The following AKT2 variants were observed in gnomAD, a reference collection of about 807,000 sequenced individuals.
AKT2 encodes the protein AKT serine/threonine kinase 2.
A neutral mutation model predicts 58.6 loss-of-function variants in AKT2; 16 were observed. The observed-to-expected ratio is 0.27, with a 90% CI of 0.18 to 0.41. The LOEUF (loss-of-function observed/expected upper bound fraction) is 0.41. AKT2 is among the 10% of genes least tolerant of loss of function. AKT2 has a pLI of 1.00. For synonymous variants in AKT2, 253 were observed against 254.0 expected (o/e 1.00, Z 0.04); for missense variants, 438 against 661.0 (o/e 0.66, Z 3.70).
chr19:40,235,833 G>T lies in AKT2; in HGVS notation c.1175+57C>A, dbSNP rs970449908. The T allele has an allele frequency of 6.5e-7, 1 of 1,539,440 alleles. No homozygotes were observed. Among genetic ancestry groups the T allele is most frequent in the Non-Finnish European group, 8.8e-7 (1 of 1,138,876 alleles). ...TTGTGGACGCTGCCCCCTCCAGGCC[G>T]CAGGGACAGTGGCAGCAGCTGGCGC... On this transcript the variant is annotated intron_variant, in intron 11 of 13. Transcript: ENST00000392038. This position sits in a 1 kb window ranked among gnomAD's most constrained non-coding sequence, Gnocchi z 6.3.
intron 4 of AKT2, among the ~76,000 whole-genome samples, chr19:40,250,080 G>A (rs1975037807): frequency 6.6e-6 from 1 of 152,202 alleles, no homozygotes; most frequent in Non-Finnish European, 1.5e-5. Flanking sequence ...GGGTGCTTGT[G>A]GTAGGAAATG....
intron 1 of AKT2, among the ~76,000 whole-genome samples, chr19:40,275,777 GGT>G (rs1555778558): frequency 2.9e-4 from 26 of 90,438 alleles, no homozygotes; most frequent in Admixed American, 3.1e-4. Context: ...GGGGGGGGGG[GGT>G]GGGCGGGGGG....
At chr19:40,275,347 T>TGG (rs2077294666) in intron 1 of AKT2, 1 of 455,350 alleles carries the variant, frequency 2.2e-6, no homozygotes, top group Non-Finnish European at 4.4e-6. Flanking sequence ...CGCCACCACC[T>TGG]CCCTGGGAGC....
At chr19:40,265,683 TC>T in intron 1 of AKT2, 1 of 328,368 alleles carries the variant, frequency 3.0e-6, no homozygotes, top group South Asian at 3.0e-5. Context: ...TGCCCTGCCC[TC>T]CCCGTGTCAT....
intron 1 of AKT2, among the ~76,000 whole-genome samples, chr19:40,276,343 A>ACCTTTTTTTTTTTTTTT (rs1568573407): frequency 1.0e-5 from 1 of 98,856 alleles, no homozygotes. Flanking sequence ...GTAAAATGGA[A>ACCTTTTTTTTTTTTTTT]TCTTTTTTTT....
intron 2 of AKT2, among the ~76,000 whole-genome samples, chr19:40,262,864 G>A (rs1324734173): frequency 1.3e-5 from 2 of 152,206 alleles, no homozygotes; most frequent in African/African-American, 4.8e-5. Flanking sequence ...ACCACCAAGG[G>A]GGTCGGTGGG....
At position 40,232,236 on chromosome 19, in the gene AKT2, C is replaced by T. The variant is rs1014925250; in HGVS notation, c.*1636G>A. ...TCAGTGCCCTCCTTGCTGAAGGGAA[C>T]GGCTAGTACAGGAGGAGCTGGGGCC... On this transcript the variant is annotated 3_prime_UTR_variant, in exon 14 of 14. Transcript: ENST00000392038. 9.8e-5 allele frequency: 23 copies of T among 233,668 alleles called. No homozygotes were observed. The highest frequency in any genetic ancestry group is 3.8e-4 in the African/African-American group (17 of 45,316). 14.5% of individuals were successfully genotyped at this position (233,668 alleles called of 1,614,324 possible). A position where few individuals can be genotyped will look rare whatever the true frequency, so the allele number is the denominator to read the frequency against.
At chr19:40,271,256 TATATAC>T (rs2077209977) in intron 1 of AKT2, among the ~76,000 whole-genome samples, 1 of 146,324 alleles carries the variant, frequency 6.8e-6, no homozygotes, top group Non-Finnish European at 1.5e-5. Context: ...TATACACGTA[TATATAC>T]ATATATATAT....
intron 1 of AKT2, among the ~76,000 whole-genome samples, chr19:40,271,822 A>G (rs1055340582): frequency 3.3e-5 from 5 of 152,214 alleles, no homozygotes; most frequent in East Asian, 1.9e-4. Flanking sequence ...TAAAGCCAAC[A>G]GAACACCTTC....
chr19:40,262,823 T>C (rs1976059617), intron 2 of AKT2, among the ~76,000 whole-genome samples: 1 of 152,192 alleles, frequency 6.6e-6, no homozygotes, highest in Admixed American at 6.5e-5. Context: ...ACACAGTAAG[T>C]GCTCAGTAAA....
Position 40,233,412 on chromosome 19 carries a change from C to T in AKT2, c.*460G>A. On this transcript the variant is annotated 3_prime_UTR_variant, in exon 14 of 14. Transcript: ENST00000392038. The surrounding 1 kb of genome is among the most constrained non-coding windows in gnomAD (Gnocchi z 4.3). ...GATTGGACCGCCCCGTGCCTGGCCA[C>T]TCCGAGCCTAGGCCACGGGGCCTGG... is the stretch of plus-strand genomic sequence containing the variant. 6.3e-6 allele frequency: 3 copies of T among 472,534 alleles called. No individual in the cohort carries two copies. Among genetic ancestry groups the T allele is most frequent in the South Asian group, 3.8e-5 (2 of 52,620 alleles). The allele number at this position is 472,534 out of a possible 1,614,324, so 29.3% of individuals were successfully genotyped here.
intron 1 of AKT2, among the ~76,000 whole-genome samples, chr19:40,273,048 A>T (rs1194666708): frequency 1.3e-5 from 2 of 152,212 alleles, no homozygotes; most frequent in African/African-American, 4.8e-5. Flanking sequence ...CACGTATCAA[A>T]TATTATCATC....
At chr19:40,236,662 T>C in intron 9 of AKT2, 1 of 499,740 alleles carries the variant, frequency 2.0e-6, no homozygotes, top group East Asian at 3.7e-5. Context: ...TGAACTGTGG[T>C]TCTTATTTCG....
intron 2 of AKT2, among the ~76,000 whole-genome samples, chr19:40,259,154 G>C (rs1012194423): frequency 2.0e-5 from 3 of 152,082 alleles, no homozygotes; most frequent in African/African-American, 4.8e-5. Context: ...AATGGGGAAA[G>C]AACAGTTTCT....
At chr19:40,273,996 A>G (rs2077265240) in intron 1 of AKT2, among the ~76,000 whole-genome samples, 1 of 152,020 alleles carries the variant, frequency 6.6e-6, no homozygotes, top group African/African-American at 2.4e-5. Context: ...TCCTGGCCCC[A>G]TGAAGACTCC....
intron 6 of AKT2, chr19:40,240,903 C>G (rs765874421): frequency 1.9e-4 from 29 of 154,728 alleles, no homozygotes; most frequent in Non-Finnish European, 2.7e-4. Flanking sequence ...CCTCCCACTT[C>G]AGCCTCCTGA....
intron 1 of AKT2, among the ~76,000 whole-genome samples, chr19:40,283,852 A>C (rs1379716759): frequency 6.6e-6 from 1 of 152,200 alleles, no homozygotes; most frequent in African/African-American, 2.4e-5. Context: ...CTGGGAAAAC[A>C]GCTCCCGGCC....
intron 4 of AKT2, among the ~76,000 whole-genome samples, chr19:40,252,323 G>A (rs754039573): frequency 6.6e-6 from 1 of 152,132 alleles, no homozygotes; most frequent in East Asian, 1.9e-4. Context: ...CGTTCCAGCA[G>A]TTTTCTCTTT....
chr19:40,248,397 T>C (rs1295919645), intron 4 of AKT2, among the ~76,000 whole-genome samples: 1 of 152,206 alleles, frequency 6.6e-6, no homozygotes, highest in East Asian at 1.9e-4. Context: ...TCATGGCTCC[T>C]GACCTCAAGG....
Sources: allele counts gnomAD v4.1 joint callset (sites outside exome capture counted in the v4.1 genomes callset), GRCh38; gene constraint gnomAD v4.1.1; non-coding constraint Gnocchi (gnomAD v3.1); transcripts MANE v1.5; gene names NCBI Gene and HGNC (gene_info 2026-07-23, HGNC 2026-07-21).